NTRK3: variants seen among roughly 807,000 people sequenced by gnomAD.
NTRK3 encodes the protein neurotrophic receptor tyrosine kinase 3.
A neutral mutation model predicts 91.7 loss-of-function variants in NTRK3; 24 were observed. The observed-to-expected ratio is 0.26, with a 90% CI of 0.19 to 0.37. The LOEUF is 0.37. Among genes scored for constraint, NTRK3 ranks in the 10% least tolerant of loss-of-function variants. The pLI is 1.00. For synonymous variants in NTRK3, 483 were observed against 404.0 expected (o/e 1.20, Z -2.34); for missense variants, 880 against 1,068.9 (o/e 0.82, Z 2.46).
intron 3 of NTRK3, among the ~76,000 whole-genome samples, chr15:88,215,266 C>T (rs922637999): frequency 2.6e-5 from 4 of 152,220 alleles, no homozygotes; most frequent in African/African-American, 7.2e-5. Context: ...CGGAGCATCA[C>T]GCTTGGGGGT....
intron 17 of NTRK3, among the ~76,000 whole-genome samples, chr15:87,912,055 G>A (rs904728598): frequency 2.6e-5 from 4 of 152,076 alleles, no homozygotes; most frequent in African/African-American, 7.2e-5. Context: ...TTCCTTCCTC[G>A]CCCTTCAGTT....
chr15:88,150,670 G>C (rs1393710588), intron 5 of NTRK3, among the ~76,000 whole-genome samples: 1 of 152,168 alleles, frequency 6.6e-6, no homozygotes, highest in East Asian at 1.9e-4. Flanking sequence ...ACAAGTTCAG[G>C]GAGGGTTGCA....
intron 3 of NTRK3, among the ~76,000 whole-genome samples, chr15:88,225,624 T>A (rs559050946): frequency 2.6e-5 from 4 of 152,056 alleles, no homozygotes; most frequent in Non-Finnish European, 5.9e-5. Context: ...TTTTAAGTCA[T>A]CCACAGTTCC....
chr15:88,240,112 G>GC lies in NTRK3; in HGVS notation c.248+15793dup, dbSNP rs952159275. On this transcript the variant is annotated intron_variant, in intron 3 of 18. Transcript: ENST00000394480. This position sits in a 1 kb window ranked among gnomAD's most constrained non-coding sequence, Gnocchi z 4.9. ...CCACGCACCTGTGTGCAGGAGCACA[G>GC]CCCCCCTCCCCTCCCCCACAGGATT... is the stretch of plus-strand genomic sequence containing the variant. Among the ~76,000 whole-genome samples the GC allele has an allele frequency of 5.9e-5, 9 of 151,296 alleles. No individual in the cohort carries two copies. Among genetic ancestry groups the GC allele is most frequent in the East Asian group, 2.0e-4 (1 of 5,128 alleles).
At chr15:88,100,614 A>C in intron 13 of NTRK3, among the ~76,000 whole-genome samples, 1 of 152,226 alleles carries the variant, frequency 6.6e-6, no homozygotes, top group Non-Finnish European at 1.5e-5. Flanking sequence ...AGTATACTGC[A>C]TGGGTACTGA....
intron 14 of NTRK3, among the ~76,000 whole-genome samples, chr15:87,971,255 C>G (rs1410674328): frequency 1.3e-5 from 2 of 152,172 alleles, no homozygotes; most frequent in African/African-American, 4.8e-5. Flanking sequence ...CTATATCTGG[C>G]TCCCTCTGAA....
chr15:88,255,860 C>G lies in NTRK3; in HGVS notation c.248+46G>C, dbSNP rs1227641321. 5 of 1,559,388 alleles carry G rather than the reference C, an allele frequency of 3.2e-6. No individual in the cohort carries two copies. The highest frequency in any genetic ancestry group is 1.4e-5 in the African/African-American group (1 of 72,786). ...CGGCCGCGGGTGGGCAGGAGGGAGA[C>G]GCAGAGCGCGGGGGAGGCAGGCTGG... On this transcript the variant is annotated intron_variant, in intron 3 of 18. Coordinates refer to ENST00000394480, the Ensembl canonical transcript of NTRK3. This position sits in a 1 kb window ranked among gnomAD's most constrained non-coding sequence, Gnocchi z 4.3.
intron 14 of NTRK3, among the ~76,000 whole-genome samples, chr15:87,967,398 A>G (rs902550466): frequency 1.2e-4 from 18 of 152,138 alleles, no homozygotes; most frequent in African/African-American, 4.3e-4. Context: ...CAATCTTCCT[A>G]TACCGAAGCT....
intron 17 of NTRK3, among the ~76,000 whole-genome samples, chr15:87,911,416 C>A (rs2067080957): frequency 6.6e-6 from 1 of 152,160 alleles, no homozygotes; most frequent in South Asian, 2.1e-4. Flanking sequence ...TCTTCTGAAA[C>A]CTCATGTCCA....
intron 3 of NTRK3, among the ~76,000 whole-genome samples, chr15:88,244,390 C>T (rs531443111): frequency 7.9e-5 from 12 of 152,284 alleles, no homozygotes; most frequent in African/African-American, 2.6e-4. Context: ...ATAACGTGCT[C>T]ACAGTTTAAA....
rs571172616 is a variant in NTRK3, at chr15:88,242,844, C to T, written c.248+13062G>A. On this transcript the variant is annotated intron_variant, in intron 3 of 18. Transcript: ENST00000394480. ...CCCCACAGCCTAGGTACAGATGCAGCTCAGCATTCACTGTGGGCTGCACAC... is the reference window on the plus strand; with the variant it reads ...CCCCACAGCCTAGGTACAGATGCAGTTCAGCATTCACTGTGGGCTGCACAC... Among the ~76,000 whole-genome samples the T allele has an allele frequency of 1.2e-3, 184 of 152,370 alleles. 1 individual carries two copies. In the South Asian group the frequency reaches 0.02, roughly 17 times the overall value.
chr15:88,224,645 G>A (rs997318836), intron 3 of NTRK3, among the ~76,000 whole-genome samples: 3 of 152,228 alleles, frequency 2.0e-5, no homozygotes, highest in Non-Finnish European at 4.4e-5. Context: ...TATCACGACT[G>A]TCATTATTCT....
chr15:88,171,510 G>A (rs2045516165), intron 5 of NTRK3, among the ~76,000 whole-genome samples: 2 of 152,082 alleles, frequency 1.3e-5, no homozygotes. Context: ...TTCGAGCTTG[G>A]GCTTCTGAGC....
intron 3 of NTRK3, among the ~76,000 whole-genome samples, chr15:88,214,743 G>A (rs1400523411): frequency 6.6e-6 from 1 of 151,256 alleles, no homozygotes; most frequent in Non-Finnish European, 1.5e-5. Flanking sequence ...CAAGCAAGAT[G>A]CAACCTCTCT....
At chr15:88,160,472 T>A (rs1261699127) in intron 5 of NTRK3, among the ~76,000 whole-genome samples, 1 of 151,974 alleles carries the variant, frequency 6.6e-6, no homozygotes, top group African/African-American at 2.4e-5. Flanking sequence ...CTCTCTGGAG[T>A]GGCCAGCGCA....
intron 3 of NTRK3, among the ~76,000 whole-genome samples, chr15:88,252,206 C>T (rs1159989963): frequency 1.3e-5 from 2 of 152,186 alleles, no homozygotes; most frequent in South Asian, 2.1e-4. Context: ...GAGCACCAAA[C>T]TGTGCCTACC....
chr15:88,009,463 A>G (rs2076718031), intron 14 of NTRK3, among the ~76,000 whole-genome samples: 1 of 152,242 alleles, frequency 6.6e-6, no homozygotes. Context: ...AATGGTTGCC[A>G]TGCAGAAATG....
At chr15:88,157,589 G>C (rs368454271) in intron 5 of NTRK3, among the ~76,000 whole-genome samples, 1 of 152,028 alleles carries the variant, frequency 6.6e-6, no homozygotes, top group African/African-American at 2.4e-5. Context: ...CTCGGTGTCA[G>C]CACAAACCTT....
In NTRK3 at chr15:87,954,007, A is replaced by AGTGTGTGTGTGTGT. The variant is rs61653896; in HGVS notation, c.1586-13268_1586-13255dup. On this transcript the variant is annotated intron_variant, in intron 14 of 18. Coordinates refer to ENST00000394480, the Ensembl canonical transcript of NTRK3. ...TGCTCTGCTCCTGCCAGACCTTTTC[A>AGTGTGTGTGTGTGT]GTGTGTGTGTGTGTGTGTGTGTGTG... 1.3e-3 allele frequency among the ~76,000 whole-genome samples: 169 copies of AGTGTGTGTGTGTGT among 127,734 alleles called. 1 individual carries two copies. The highest frequency in any genetic ancestry group is 4.3e-3 in the African/African-American group (149 of 34,588). The allele number at this position is 127,734 out of a possible 152,430, so 83.8% of individuals were successfully genotyped here. A position where few individuals can be genotyped will look rare whatever the true frequency, so the allele number is the denominator to read the frequency against.
Sources: gnomAD v4.1 joint callset for allele counts (sites outside exome capture counted in the v4.1 genomes callset) on GRCh38, gnomAD v4.1.1 for gene constraint, Gnocchi (gnomAD v3.1) non-coding constraint, MANE v1.5 for transcripts, NCBI Gene and HGNC (gene_info 2026-07-23, HGNC 2026-07-21) for gene names.